Variants in NSUN7 observed in about 807,000 individuals in gnomAD.
NSUN7 encodes protein NSUN7.
A neutral mutation model predicts 58.5 loss-of-function variants in NSUN7; 39 were observed. The observed-to-expected ratio is 0.67, with a 90% CI of 0.52 to 0.87. The LOEUF is 0.87. Among genes scored for constraint, NSUN7 ranks in the 40% least tolerant of loss-of-function variants. The pLI is 0.00. For synonymous variants in NSUN7, 278 were observed against 303.7 expected (o/e 0.92, Z 0.88); for missense variants, 765 against 844.1 (o/e 0.91, Z 1.16).
chr4:40,785,354 A>G (rs1419493693), intron 7 of NSUN7, among the ~76,000 whole-genome samples: 3 of 151,886 alleles, frequency 2.0e-5, no homozygotes, highest in Non-Finnish European at 2.9e-5. Flanking sequence ...AGGAAATCCC[A>G]TGACATTTTG....
rs764337586 is a variant in NSUN7, at chr4:40,798,809, T to G, written c.1305T>G (p.Val435=). The G allele has an allele frequency of 2.5e-6, 4 of 1,608,240 alleles. No homozygotes were observed. The highest frequency in any genetic ancestry group is 3.4e-6 in the Non-Finnish European group (4 of 1,175,926). Reference sequence around the variant, plus strand: ...TAGTTACTAAAGCTCAAGCAGTTGTTTACTGCACATGTTCAGTTTTTCCAG... The same window carrying G: ...TAGTTACTAAAGCTCAAGCAGTTGTGTACTGCACATGTTCAGTTTTTCCAG... ...AMKFTKAQAV[V]YCTCSVFPEE... Residue 435 remains valine (V), a synonymous_variant, in exon 10 of 12, where the codon GTT becomes GTG. Transcript: ENST00000381782.
intron 2 of NSUN7, among the ~76,000 whole-genome samples, chr4:40,757,577 A>ATATATATATATACATTGTGTG (rs1560544855): frequency 1.4e-5 from 2 of 142,504 alleles, no homozygotes; most frequent in African/African-American, 5.5e-5. Context: ...TATAAATTGC[A>ATATATATATATACATTGTGTG]TATATATATA....
intron 7 of NSUN7, among the ~76,000 whole-genome samples, chr4:40,780,813 ATTT>A (rs1171816788): frequency 1.4e-3 from 90 of 63,132 alleles, no homozygotes; most frequent in African/African-American, 3.1e-3. Flanking sequence ...ATATATATAT[ATTT>A]TTTTTTTTTT....
intron 10 of NSUN7, among the ~76,000 whole-genome samples, chr4:40,800,771 A>G (rs1743546213): frequency 6.6e-6 from 1 of 152,248 alleles, no homozygotes; most frequent in Non-Finnish European, 1.5e-5. Context: ...TGTTTTAAAC[A>G]TATTTCTGTT....
At chr4:40,798,722 CAT>C (rs1312568521) in intron 9 of NSUN7, 63 bp from the exon 10 acceptor site, 5 of 890,798 alleles carry the variant, frequency 5.6e-6, no homozygotes, top group East Asian at 5.2e-5. Flanking sequence ...TGTTTGGAAA[CAT>C]AGCACATTTG....
At chr4:40,768,622 C>T (rs1229173827) in intron 4 of NSUN7, among the ~76,000 whole-genome samples, 1 of 152,140 alleles carries the variant, frequency 6.6e-6, no homozygotes, top group Non-Finnish European at 1.5e-5. Context: ...TGTTTTTTCA[C>T]TCTTATACCC....
At chr4:40,786,019 T>C (rs1303855608) in intron 7 of NSUN7, 8 of 1,460,924 alleles carry the variant, frequency 5.5e-6, no homozygotes, top group Non-Finnish European at 7.3e-6. Context: ...GAAGGACAGT[T>C]AGTCAGTCTT....
At position 40,755,940 on chromosome 4, in the gene NSUN7, G is replaced by A. The variant is rs532631564; in HGVS notation, c.299-4494G>A. The stretch of plus-strand genomic sequence containing the variant: ...GAATGAAGCATTGTCAACTAGGGAA[G>A]TTCATCTGAGCCTTGCTGTTTGTTT... On this transcript the variant is annotated intron_variant, in intron 2 of 11. Coordinates refer to ENST00000381782, the MANE Select transcript of NSUN7 (RefSeq NM_024677.6). Among the ~76,000 whole-genome samples, 3 of 152,222 alleles carry A rather than the reference G, an allele frequency of 2.0e-5. No homozygotes were observed. In the East Asian group the frequency reaches 5.8e-4, roughly 29 times the overall value.
At chr4:40,760,633 C>T (rs536958432) in intron 3 of NSUN7, 141 bp downstream of exon 3, 20 of 590,720 alleles carry the variant, frequency 3.4e-5, no homozygotes, top group Non-Finnish European at 5.1e-5. Flanking sequence ...GAGGCCAAGG[C>T]GGGCGGATCA....
chr4:40,795,750 T>A (rs1412114862), intron 9 of NSUN7, among the ~76,000 whole-genome samples: 3 of 152,194 alleles, frequency 2.0e-5, no homozygotes, highest in Non-Finnish European at 4.4e-5. Flanking sequence ...AAGCCCGATT[T>A]GAAGTCAACC....
intron 2 of NSUN7, among the ~76,000 whole-genome samples, chr4:40,752,364 T>C (rs536089837): frequency 6.6e-6 from 1 of 152,340 alleles, no homozygotes; most frequent in South Asian, 2.1e-4. Flanking sequence ...ATTGCTTGAC[T>C]TCAGGAGTTC....
chr4:40,755,046 A>T (rs1221927543), intron 2 of NSUN7, among the ~76,000 whole-genome samples: 1 of 152,194 alleles, frequency 6.6e-6, no homozygotes, highest in Non-Finnish European at 1.5e-5. Context: ...AAAGTTGCCT[A>T]TTCCTATTGA....
chr4:40,773,790 T>G (rs1021805293), intron 4 of NSUN7, among the ~76,000 whole-genome samples: 5 of 152,034 alleles, frequency 3.3e-5, no homozygotes, highest in Non-Finnish European at 5.9e-5. Flanking sequence ...AAATCAGGAT[T>G]ATTGGATTTC....
intron 7 of NSUN7, among the ~76,000 whole-genome samples, chr4:40,779,909 CATA>C (rs377315514): frequency 1.3e-3 from 192 of 151,964 alleles, no homozygotes; most frequent in African/African-American, 4.1e-3. Context: ...ATGAGTAACA[CATA>C]ATAAAATAAT....
intron 4 of NSUN7, among the ~76,000 whole-genome samples, chr4:40,761,810 T>C (rs1741476396): frequency 6.6e-6 from 1 of 152,228 alleles, no homozygotes; most frequent in East Asian, 1.9e-4. Context: ...AAGAAGTTTC[T>C]ACCTCAAAGG....
rs1415545382 is a variant in NSUN7 at position 40,790,724 on chromosome 4, T to C, written c.1159T>C (p.Phe387Leu). The part of the protein sequence containing the change: ...SGLGVSNPVE[F>L]ILNEHEDTEF... ...ACTGGGTGTTAGTAATCCAGTAGAATTTATTTTAAATGAACATGAAGGTAC... is the reference window on the plus strand; with the variant it reads ...ACTGGGTGTTAGTAATCCAGTAGAACTTATTTTAAATGAACATGAAGGTAC... The change falls in exon 8 of 12, where the codon TTT becomes CTT. Residue 387 changes from phenylalanine to leucine, a missense_variant. Transcript: ENST00000381782. 1 of 1,582,530 alleles carries C rather than the reference T, an allele frequency of 6.3e-7. No individual in the cohort carries two copies. The highest frequency in any genetic ancestry group is 1.9e-5 in the Admixed American group (1 of 52,422).
chr4:40,788,685 G>A (rs1479756666), intron 7 of NSUN7, among the ~76,000 whole-genome samples: 1 of 152,198 alleles, frequency 6.6e-6, no homozygotes, highest in Non-Finnish European at 1.5e-5. Flanking sequence ...TATGGTGGCT[G>A]TGTAGAATCC....
intron 4 of NSUN7, among the ~76,000 whole-genome samples, chr4:40,761,876 C>T (rs1260850683): frequency 6.6e-6 from 1 of 152,158 alleles, no homozygotes; most frequent in Non-Finnish European, 1.5e-5. Context: ...TAGAACCAGA[C>T]ATAAAGTAAA....
chr4:40,752,827 T>TGAAGCCAGCAA (rs1740906030), intron 2 of NSUN7, among the ~76,000 whole-genome samples: 2 of 152,270 alleles, frequency 1.3e-5, no homozygotes, highest in Non-Finnish European at 2.9e-5. Context: ...AGAGAGTCTC[T>TGAAGCCAGCAA]TTGTTTTTTG....
Sources: gnomAD v4.1 joint callset for allele counts (sites outside exome capture counted in the v4.1 genomes callset) on GRCh38, gnomAD v4.1.1 for gene constraint, MANE v1.5 for transcripts, NCBI Gene and HGNC (gene_info 2026-07-23, HGNC 2026-07-21) for gene names.